The following SMAD9 variants were observed in gnomAD, a reference collection of about 807,000 sequenced individuals.
The protein encoded by SMAD9 is MAD homolog 9.
In SMAD9, 36 loss-of-function variants were observed where a neutral mutation model predicts 46.1. The observed-to-expected ratio is 0.78, with a 90% CI of 0.60 to 1.03. The LOEUF (loss-of-function observed/expected upper bound fraction) is 1.03, where lower values mean the gene tolerates loss of function less well. SMAD9 is among the 50% of genes least tolerant of loss of function. The pLI, the probability that SMAD9 is intolerant of heterozygous loss-of-function variation, is 0.00. For synonymous variants in SMAD9, 245 were observed against 237.1 expected (o/e 1.03, Z -0.31); for missense variants, 572 against 599.8 (o/e 0.95, Z 0.48).
intron 2 of SMAD9, among the ~76,000 whole-genome samples, chr13:36,873,785 T>C (rs2058319669): frequency 2.6e-5 from 4 of 152,066 alleles, no homozygotes; most frequent in Admixed American, 2.0e-4. Context: ...ATCGCTTGAA[T>C]CTGGGAGGTG....
At chr13:36,903,941 G>C (rs1313318403) in intron 1 of SMAD9, among the ~76,000 whole-genome samples, 2 of 152,070 alleles carry the variant, frequency 1.3e-5, no homozygotes, top group African/African-American at 4.8e-5. Context: ...AATTTTCTTT[G>C]ATGCATACTA....
chr13:36,855,639 C>T (rs564047845), intron 5 of SMAD9, among the ~76,000 whole-genome samples: 6 of 152,282 alleles, frequency 3.9e-5, no homozygotes, highest in African/African-American at 1.4e-4. Flanking sequence ...CTCAGGGCCT[C>T]GTGTGCATGA....
At position 36,853,415 on chromosome 13, in the gene SMAD9, T is replaced by C; in HGVS notation, c.1260+4A>G. On this transcript the variant is annotated splice_donor_region_variant and intron_variant, in intron 6 of 6. Transcript: ENST00000379826. Reference sequence around the variant, plus strand: ...TTTATAACGTGATAGCAAGCACTCCTTACCTTAACAAAACTCATCCGGATA... The same window carrying C: ...TTTATAACGTGATAGCAAGCACTCCCTACCTTAACAAAACTCATCCGGATA... The C allele has an allele frequency of 6.2e-7, 1 of 1,613,824 alleles. No individual in the cohort carries two copies. Among genetic ancestry groups the C allele is most frequent in the Non-Finnish European group, 8.5e-7 (1 of 1,179,996 alleles).
At chr13:36,869,252 T>C (rs184258238) in intron 3 of SMAD9, among the ~76,000 whole-genome samples, 1,563 of 151,904 alleles carry the variant, frequency 0.01, 12 homozygotes, top group Middle Eastern at 0.017. Flanking sequence ...TTTTTTTTTT[T>C]AATAGTCCTC....
intron 1 of SMAD9, among the ~76,000 whole-genome samples, chr13:36,885,484 A>G (rs934169764): frequency 2.6e-5 from 4 of 152,210 alleles, no homozygotes; most frequent in African/African-American, 4.8e-5. Context: ...CATAAGCTGT[A>G]TTATAAGACA....
intron 1 of SMAD9, among the ~76,000 whole-genome samples, chr13:36,900,289 T>A (rs1289445092): frequency 6.6e-6 from 1 of 152,156 alleles, no homozygotes; most frequent in African/African-American, 2.4e-5. Context: ...TATTTTTATT[T>A]TTATTTTGTG....
In SMAD9 at chr13:36,879,439, C is replaced by A. The variant is rs759141619; in HGVS notation, c.251G>T (p.Arg84Leu). ...SLDGRLQVSH[R>L]KGLPHVIYCR... ...GTAAATCACATGGGGCAGGCCCTTGCGGTGGGACACCTGCAGCCGCCCGTC... is the reference window on the plus strand; with the variant it reads ...GTAAATCACATGGGGCAGGCCCTTGAGGTGGGACACCTGCAGCCGCCCGTC... The change falls in exon 2 of 7, where the codon CGC becomes CTC. Residue 84 changes from arginine (R) to leucine (L), a missense_variant. By Grantham distance (102) the Arg-to-Leu change is moderately radical (BLOSUM62 -2). Coordinates refer to ENST00000379826, the MANE Select transcript of SMAD9 (RefSeq NM_001127217.3). 1.2e-6 allele frequency: 2 copies of A among 1,613,570 alleles called. No individual in the cohort carries two copies. The highest frequency in any genetic ancestry group is 2.7e-5 in the African/African-American group (2 of 74,950).
rs533291463 is a variant in SMAD9, at chr13:36,888,706, T to A, written c.-186-8831A>T. 2.0e-5 allele frequency among the ~76,000 whole-genome samples: 3 copies of A among 152,046 alleles called. No homozygotes were observed. In the East Asian group the frequency reaches 5.8e-4, roughly 29 times the overall value. ...GCTCTCAAGTGGGAAAAAACAACACTCCTAAATATGTTTTGTGATGTGCAT... is the reference window on the plus strand; with the variant it reads ...GCTCTCAAGTGGGAAAAAACAACACACCTAAATATGTTTTGTGATGTGCAT... On this transcript the variant is annotated intron_variant, in intron 1 of 6. Transcript: ENST00000379826.
At chr13:36,890,340 A>C (rs2058479681) in intron 1 of SMAD9, among the ~76,000 whole-genome samples, 1 of 152,236 alleles carries the variant, frequency 6.6e-6, no homozygotes, top group African/African-American at 2.4e-5. Flanking sequence ...AAACTGTAAA[A>C]CAAATCAAAT....
At position 36,920,213 on chromosome 13, in the gene SMAD9, C is replaced by T; in HGVS notation, c.-284G>A. ...GCGGCGGCGGCGGCGGCGGCGGCGGCGGCCCCAGCCGGCGTCAGTCAGACT... is the reference window on the plus strand; with the variant it reads ...GCGGCGGCGGCGGCGGCGGCGGCGGTGGCCCCAGCCGGCGTCAGTCAGACT... On this transcript the variant is annotated 5_prime_UTR_variant, in exon 1 of 7. Transcript: ENST00000379826. The T allele has an allele frequency of 6.1e-6, 1 of 164,544 alleles. No individual in the cohort carries two copies. The highest frequency in any genetic ancestry group is 1.3e-5 in the Non-Finnish European group (1 of 79,760). 10.2% of individuals were successfully genotyped at this position (164,544 alleles called of 1,614,324 possible).
At chr13:36,901,795 T>A (rs2058578529) in intron 1 of SMAD9, among the ~76,000 whole-genome samples, 1 of 152,230 alleles carries the variant, frequency 6.6e-6, no homozygotes, top group South Asian at 2.1e-4. Context: ...TCCATTTGTA[T>A]GTCTTCTTTG....
chr13:36,872,676 T>G lies in SMAD9; in HGVS notation c.652A>C (p.Ser218Arg). Residue 218 changes from serine to arginine, a missense_variant, in exon 3 of 7, where the codon AGT becomes CGT. Ser to Arg is a moderately radical substitution (Grantham distance 110, BLOSUM62 -1). Transcript: ENST00000379826. ...TACTGACCTGAGTGTTGATAGGGAC[T>G]CTCTGGCTCAGAAGGACTTCCTGGG... The part of the protein sequence containing the change: ...HSPGSPSEPE[S>R]PYQHSVDTPP... The G allele has an allele frequency of 2.5e-6, 4 of 1,614,012 alleles. No individual in the cohort carries two copies. The highest frequency in any genetic ancestry group is 3.4e-6 in the Non-Finnish European group (4 of 1,179,994).
chr13:36,901,728 C>T (rs1325863781), intron 1 of SMAD9, among the ~76,000 whole-genome samples: 1 of 152,132 alleles, frequency 6.6e-6, no homozygotes, highest in African/African-American at 2.4e-5. Flanking sequence ...GTGCCCGGTC[C>T]ACTGTGGTTT....
chr13:36,865,056 G>A (rs968924232), intron 5 of SMAD9, among the ~76,000 whole-genome samples: 57 of 152,168 alleles, frequency 3.7e-4, no homozygotes, highest in Non-Finnish European at 1.5e-5. Flanking sequence ...GCACACAGGA[G>A]AGCCCCAATC....
Position 36,901,680 on chromosome 13 carries a change from G to A in SMAD9, c.-187+18436C>T, listed in dbSNP as rs541017534. ...TAGCCTCAAATGATCTCCCTGCCTC[G>A]GCCTCCCAAAGTGCTGGGATTACAG... On this transcript the variant is annotated intron_variant, in intron 1 of 6. Coordinates refer to ENST00000379826, the MANE Select transcript of SMAD9 (RefSeq NM_001127217.3). 7.2e-5 allele frequency among the ~76,000 whole-genome samples: 11 copies of A among 152,126 alleles called. No individual in the cohort carries two copies. In the East Asian group the frequency reaches 9.7e-4, roughly 13 times the overall value.
rs2058378613 is a variant in SMAD9 at position 36,879,337 on chromosome 13, C to A, written c.353G>T (p.Gly118Val). ...KPLECCEFPF[G>V]SKQKEVCINP... ...AATGCACACTTCTTTCTGCTTGGAG[C>A]CAAATGGGAACTCACAGCACTCCAG... The change falls in exon 2 of 7, where the codon GGC (glycine) becomes GTC (valine). Residue 118 changes from glycine (G) to valine (V), a missense_variant. Coordinates refer to ENST00000379826, the MANE Select transcript of SMAD9 (RefSeq NM_001127217.3). The A allele has an allele frequency of 1.2e-6, 2 of 1,614,176 alleles. No individual in the cohort carries two copies. Among genetic ancestry groups the A allele is most frequent in the Non-Finnish European group, 1.7e-6 (2 of 1,180,034 alleles).
At chr13:36,890,399 T>C (rs2138572568) in intron 1 of SMAD9, among the ~76,000 whole-genome samples, 1 of 152,314 alleles carries the variant, frequency 6.6e-6, no homozygotes, top group African/African-American at 2.4e-5. Context: ...ACACCAAGCA[T>C]CCTTAAAACT....
intron 3 of SMAD9, among the ~76,000 whole-genome samples, chr13:36,871,428 G>A (rs1222636021): frequency 2.0e-5 from 3 of 152,168 alleles, no homozygotes; most frequent in African/African-American, 7.2e-5. Flanking sequence ...TGAGGTGGGA[G>A]AATTGCTTGA....
chr13:36,914,459 C>G (rs2058683940), intron 1 of SMAD9, among the ~76,000 whole-genome samples: 3 of 152,142 alleles, frequency 2.0e-5, no homozygotes, highest in Admixed American at 2.0e-4. Flanking sequence ...GTGGAGCTTG[C>G]AGTGAGCCGA....
Sources: gnomAD v4.1 joint callset for allele counts (sites outside exome capture counted in the v4.1 genomes callset) on GRCh38, gnomAD v4.1.1 for gene constraint, MANE v1.5 for transcripts, NCBI Gene and HGNC (gene_info 2026-07-23, HGNC 2026-07-21) for gene names.